PLCL1: variants seen among roughly 807,000 people sequenced by gnomAD.
The protein encoded by PLCL1 is inactive phospholipase C-like protein 1.
A neutral mutation model predicts 84.4 loss-of-function variants in PLCL1; 41 were observed. The ratio of observed to expected loss-of-function variants is 0.49; its 90% CI spans 0.38 to 0.63. The LOEUF (loss-of-function observed/expected upper bound fraction) is 0.63, where lower values mean the gene tolerates loss of function less well. Among genes scored for constraint, PLCL1 ranks in the 30% least tolerant of loss-of-function variants. PLCL1 has a pLI of 0.00. For synonymous variants in PLCL1, 490 were observed against 488.3 expected (o/e 1.00, Z -0.05); for missense variants, 1,206 against 1,367.8 (o/e 0.88, Z 1.87).
intron 5 of PLCL1, among the ~76,000 whole-genome samples, chr2:198,124,654 C>T (rs6755925): frequency 0.035 from 5,391 of 152,100 alleles, 229 homozygotes; most frequent in African/African-American, 0.1. Context: ...CAAACACAAA[C>T]AAAATCTTGC....
chr2:197,953,740 T>A (rs1399695395), intron 1 of PLCL1, among the ~76,000 whole-genome samples: 1 of 152,084 alleles, frequency 6.6e-6, no homozygotes, highest in East Asian at 1.9e-4. Flanking sequence ...AATATATTGA[T>A]ATTCTCCTAC....
chr2:198,112,136 G>T (rs1693637992), intron 5 of PLCL1, among the ~76,000 whole-genome samples: 1 of 151,856 alleles, frequency 6.6e-6, no homozygotes, highest in South Asian at 2.1e-4. Flanking sequence ...AGTTCCATCT[G>T]CCCAGTAGTC....
chr2:197,994,302 A>G (rs971487376), intron 1 of PLCL1, among the ~76,000 whole-genome samples: 20 of 152,214 alleles, frequency 1.3e-4, no homozygotes, highest in African/African-American at 4.6e-4. Context: ...TTCACACCTC[A>G]CTGTGAAATA....
intron 1 of PLCL1, among the ~76,000 whole-genome samples, chr2:197,931,006 C>T (rs1688920325): frequency 6.6e-6 from 1 of 152,016 alleles, no homozygotes; most frequent in South Asian, 2.1e-4. Flanking sequence ...GACAGAAGGT[C>T]ATGAGGGAGG....
In PLCL1 at chr2:198,084,109, T is replaced by C; in HGVS notation, c.592T>C (p.Tyr198His). 6.2e-7 allele frequency: 1 copy of C among 1,614,140 alleles called. No homozygotes were observed. The highest frequency in any genetic ancestry group is 2.2e-5 in the East Asian group (1 of 44,880). Residue 198 changes from tyrosine (Y) to histidine (H), a missense_variant, in exon 2 of 6, where the codon TAT becomes CAT. Transcript: ENST00000428675. Reference protein sequence around the residue: ...CAFSILHGENYESLDLVANSA... With the variant: ...CAFSILHGENHESLDLVANSA... ...CTTTTCCATACTCCACGGGGAAAAC[T>C]ATGAGTCTCTGGACCTAGTTGCCAA...
chr2:198,035,271 T>G (rs889491318), intron 1 of PLCL1, among the ~76,000 whole-genome samples: 7 of 152,194 alleles, frequency 4.6e-5, no homozygotes, highest in Admixed American at 3.9e-4. Context: ...GAATTCGTGG[T>G]TTTTATAGCT....
At chr2:198,042,912 C>T (rs866926328) in intron 1 of PLCL1, among the ~76,000 whole-genome samples, 42 of 152,178 alleles carry the variant, frequency 2.8e-4, no homozygotes, top group Non-Finnish European at 4.9e-4. Flanking sequence ...AATATGTCAT[C>T]ATCAGTATCC....
At chr2:198,030,261 T>C (rs760146175) in intron 1 of PLCL1, among the ~76,000 whole-genome samples, 4 of 152,014 alleles carry the variant, frequency 2.6e-5, no homozygotes, top group Non-Finnish European at 4.4e-5. Flanking sequence ...TGAGAACATA[T>C]GGTGTTTGAT....
intron 1 of PLCL1, among the ~76,000 whole-genome samples, chr2:198,057,901 T>G (rs1692106452): frequency 6.6e-6 from 1 of 152,354 alleles, no homozygotes; most frequent in Non-Finnish European, 1.5e-5. Context: ...CTTAGAAGAT[T>G]ATTCCAAAAT....
chr2:198,048,305 G>A (rs1233739160), intron 1 of PLCL1, among the ~76,000 whole-genome samples: 1 of 152,140 alleles, frequency 6.6e-6, no homozygotes, highest in Non-Finnish European at 1.5e-5. Flanking sequence ...GTCTGGTAAG[G>A]GCCTGTTTCT....
intron 1 of PLCL1, among the ~76,000 whole-genome samples, chr2:197,932,543 C>T (rs1398603162): frequency 6.6e-6 from 1 of 152,132 alleles, no homozygotes; most frequent in Non-Finnish European, 1.5e-5. Context: ...CAGCAGGCCC[C>T]AGTGTGTGCT....
At chr2:197,914,865 G>T (rs747221291) in intron 1 of PLCL1, among the ~76,000 whole-genome samples, 1 of 152,150 alleles carries the variant, frequency 6.6e-6, no homozygotes, top group Non-Finnish European at 1.5e-5. Context: ...ATGGAAGGGC[G>T]CACCATTTAT....
At chr2:198,022,654 AC>A (rs1452904752) in intron 1 of PLCL1, among the ~76,000 whole-genome samples, 1 of 152,124 alleles carries the variant, frequency 6.6e-6, no homozygotes, top group Non-Finnish European at 1.5e-5. Context: ...CACAATTGCT[AC>A]AAAGAGAATA....
chr2:198,030,852 C>T (rs907411263), intron 1 of PLCL1, among the ~76,000 whole-genome samples: 1 of 152,106 alleles, frequency 6.6e-6, no homozygotes, highest in African/African-American at 2.4e-5. Context: ...TGATGGTAGG[C>T]ACCTGAGCTA....
intron 1 of PLCL1, among the ~76,000 whole-genome samples, chr2:198,074,988 T>A (rs1040316520): frequency 1.3e-5 from 2 of 152,230 alleles, no homozygotes; most frequent in African/African-American, 4.8e-5. Flanking sequence ...TTTATAACAA[T>A]ACATTGAAAG....
chr2:198,080,221 C>G (rs963862329), intron 1 of PLCL1, among the ~76,000 whole-genome samples: 10 of 152,174 alleles, frequency 6.6e-5, no homozygotes, highest in Admixed American at 6.5e-5. Context: ...CCAATACATA[C>G]ACAACATAAA....
At chr2:197,959,172 A>T (rs931362270) in intron 1 of PLCL1, among the ~76,000 whole-genome samples, 3 of 152,048 alleles carry the variant, frequency 2.0e-5, no homozygotes, top group Non-Finnish European at 4.4e-5. Flanking sequence ...GTATATACAG[A>T]TATAGAGAGA....
intron 1 of PLCL1, among the ~76,000 whole-genome samples, chr2:197,889,520 C>T (rs7561950): frequency 0.73 from 110,766 of 151,976 alleles, 41,455 homozygotes; most frequent in African/African-American, 0.91. Context: ...AAACTTTTTT[C>T]TCCGATTTAC....
chr2:197,855,262 C>A (rs1687308989), intron 1 of PLCL1, among the ~76,000 whole-genome samples: 1 of 152,108 alleles, frequency 6.6e-6, no homozygotes, highest in South Asian at 2.1e-4. Context: ...TAAGTAAATC[C>A]CACTCTTCAT....
Sources: allele counts gnomAD v4.1 joint callset (sites outside exome capture counted in the v4.1 genomes callset), GRCh38; gene constraint gnomAD v4.1.1; transcripts MANE v1.5; gene names NCBI Gene and HGNC (gene_info 2026-07-23, HGNC 2026-07-21).